ARHGAP22: variants seen among roughly 807,000 people sequenced by gnomAD.
ARHGAP22 encodes rho GTPase-activating protein 22.
ARHGAP22 carries 48 observed loss-of-function variants against 59.1 expected under a neutral mutation model. The ratio of observed to expected loss-of-function variants is 0.81; its 90% CI spans 0.64 to 1.03. The LOEUF is 1.03. Ranked by LOEUF, ARHGAP22 falls within the 50% of genes least tolerant of loss-of-function variation. The pLI is 0.00. For synonymous variants in ARHGAP22, 445 were observed against 416.4 expected, an observed-to-expected ratio of 1.07 and a Z score of -0.84; for missense variants, 1,015 against 958.7, an observed-to-expected ratio of 1.06 and a Z score of -0.78.
rs2049087883 is a variant in ARHGAP22 at position 48,479,619 on chromosome 10, C to CCCTCTA, written c.451+16_451+17insTAGAGG. 5 of 1,613,784 alleles carry CCCTCTA rather than the reference C, an allele frequency of 3.1e-6. No individual in the cohort carries two copies. The highest frequency in any genetic ancestry group is 1.7e-4 in the Middle Eastern group (1 of 6,054). On this transcript the variant is annotated intron_variant, in intron 4 of 9. Coordinates refer to ENST00000249601, the MANE Select transcript of ARHGAP22 (RefSeq NM_021226.4). ...GCAAGGGTTCTAGAGGGTGGGCATG[C>CCCTCTA]GATCTACGGGCAGTACCTCCGCCCA...
At chr10:48,560,787 A>G (rs774597020) in intron 2 of ARHGAP22, among the ~76,000 whole-genome samples, 3 of 152,162 alleles carry the variant, frequency 2.0e-5, no homozygotes, top group Non-Finnish European at 4.4e-5. Flanking sequence ...ATTTATTAAT[A>G]TGATGAATTA....
intron 1 of ARHGAP22, among the ~76,000 whole-genome samples, chr10:48,597,647 C>A (rs1197766043): frequency 6.6e-6 from 1 of 152,148 alleles, no homozygotes; most frequent in Admixed American, 6.5e-5. Context: ...GCAGGCTGTG[C>A]CCCTTGGAAG....
intron 5 of ARHGAP22, among the ~76,000 whole-genome samples, chr10:48,457,770 T>C (rs150229598): frequency 6.6e-5 from 10 of 151,994 alleles, no homozygotes; most frequent in South Asian, 6.2e-4. Flanking sequence ...GACCTTCTTA[T>C]AGAGATGAGC....
chr10:48,583,243 T>C, intron 1 of ARHGAP22, 91 bp from the exon 2 acceptor site: 1 of 1,447,580 alleles, frequency 6.9e-7, no homozygotes, highest in South Asian at 1.3e-5. Flanking sequence ...GCCTCGTGAC[T>C]GAGGCATGGG....
chr10:48,476,361 C>T (rs1047724317), intron 4 of ARHGAP22, among the ~76,000 whole-genome samples: 5 of 152,204 alleles, frequency 3.3e-5, no homozygotes, highest in African/African-American at 9.7e-5. Flanking sequence ...GCAGCAGGCA[C>T]GCCACCCACT....
chr10:48,548,173 G>A (rs554431733), intron 3 of ARHGAP22, among the ~76,000 whole-genome samples: 54 of 152,206 alleles, frequency 3.5e-4, no homozygotes, highest in African/African-American at 1.0e-3. Context: ...AGTACCACCC[G>A]CTCGCCCCTC....
chr10:48,618,724 AC>A (rs1482633444), intron 1 of ARHGAP22, among the ~76,000 whole-genome samples: 1 of 152,082 alleles, frequency 6.6e-6, no homozygotes, highest in Non-Finnish European at 1.5e-5. Flanking sequence ...TATATGACAA[AC>A]CACAGCCTAC....
intron 1 of ARHGAP22, among the ~76,000 whole-genome samples, chr10:48,602,088 G>A (rs1295196090): frequency 6.6e-6 from 1 of 152,246 alleles, no homozygotes; most frequent in Non-Finnish European, 1.5e-5. Flanking sequence ...TTATAGTGTA[G>A]TCATGAGAAT....
At chr10:48,458,577 G>A (rs1360503013) in intron 5 of ARHGAP22, among the ~76,000 whole-genome samples, 1 of 152,312 alleles carries the variant, frequency 6.6e-6, no homozygotes, top group East Asian at 1.9e-4. Context: ...AAGCCCCTCA[G>A]GTAGCATCAG....
At chr10:48,490,052 T>G (rs1472157246) in intron 3 of ARHGAP22, among the ~76,000 whole-genome samples, 2 of 152,074 alleles carry the variant, frequency 1.3e-5, no homozygotes, top group African/African-American at 4.8e-5. Flanking sequence ...TCTTAAACAG[T>G]GCTTAGGGTC....
intron 2 of ARHGAP22, chr10:48,582,711 A>T (rs1441527611): frequency 3.5e-6 from 2 of 567,236 alleles, no homozygotes; most frequent in African/African-American, 3.8e-5. Flanking sequence ...GGACAAGGAC[A>T]TTCTCTATCA....
chr10:48,524,952 A>G (rs549097780), intron 3 of ARHGAP22, among the ~76,000 whole-genome samples: 1 of 152,360 alleles, frequency 6.6e-6, no homozygotes, highest in South Asian at 2.1e-4. Flanking sequence ...GGTTGTGTCA[A>G]TTAAATGAGT....
chr10:48,570,530 C>T (rs1588847404), intron 2 of ARHGAP22, among the ~76,000 whole-genome samples: 2 of 152,142 alleles, frequency 1.3e-5, no homozygotes, highest in Non-Finnish European at 2.9e-5. Context: ...CAGAGCCTGT[C>T]TTTTATGCTC....
chr10:48,465,478 G>A (rs935120460), intron 4 of ARHGAP22, among the ~76,000 whole-genome samples: 1 of 152,360 alleles, frequency 6.6e-6, no homozygotes. Context: ...GGGTGTGAGC[G>A]TCCACGGGAG....
chr10:48,649,424 G>A (rs746291326), intron 1 of ARHGAP22, among the ~76,000 whole-genome samples: 1 of 152,222 alleles, frequency 6.6e-6, no homozygotes, highest in Non-Finnish European at 1.5e-5. Context: ...CAGCGTGCAG[G>A]TCAGGGATTT....
intron 2 of ARHGAP22, among the ~76,000 whole-genome samples, chr10:48,565,753 T>C (rs2058010053): frequency 6.6e-6 from 1 of 152,218 alleles, no homozygotes; most frequent in Non-Finnish European, 1.5e-5. Flanking sequence ...GAGCTGTATA[T>C]ACACTAGGGG....
At chr10:48,585,954 G>A (rs1208380764) in intron 1 of ARHGAP22, among the ~76,000 whole-genome samples, 1 of 152,156 alleles carries the variant, frequency 6.6e-6, no homozygotes, top group African/African-American at 2.4e-5. Context: ...AAGGAAAACA[G>A]CCCCCTCTGA....
chr10:48,473,677 T>C (rs2048438873), intron 4 of ARHGAP22, among the ~76,000 whole-genome samples: 1 of 152,214 alleles, frequency 6.6e-6, no homozygotes, highest in Non-Finnish European at 1.5e-5. Context: ...ACAGCGAAGA[T>C]AAGAGGTGTG....
At chr10:48,459,978 G>A in intron 4 of ARHGAP22, 87 bp from the exon 5 acceptor site, 1 of 1,361,892 alleles carries the variant, frequency 7.3e-7, no homozygotes, top group Non-Finnish European at 1.0e-6. Context: ...CGCACTGTTA[G>A]GGCTAAAGGT....
Sources: gnomAD v4.1 joint callset for allele counts (sites outside exome capture counted in the v4.1 genomes callset) on GRCh38, gnomAD v4.1.1 for gene constraint, MANE v1.5 for transcripts, NCBI Gene and HGNC (gene_info 2026-07-23, HGNC 2026-07-21) for gene names.